CYP4F8: variants seen among roughly 807,000 people sequenced by gnomAD.
The protein encoded by CYP4F8 is cytochrome P450 4F8.
Under a neutral mutation model 55.0 loss-of-function variants are expected in CYP4F8, and 56 were observed. The observed-to-expected ratio is 1.02, with a 90% CI of 0.82 to 1.27. CYP4F8 has a LOEUF of 1.27. Ranked by LOEUF, CYP4F8 falls within the 50% of genes most tolerant of loss-of-function variation. The probability of loss-of-function intolerance (pLI) is 0.00; values close to 1 mark genes in which losing one functional copy is unlikely to be tolerated. For synonymous variants in CYP4F8, 288 were observed against 267.3 expected (o/e 1.08, Z -0.76); for missense variants, 680 against 682.4 (o/e 1.00, Z 0.04).
At chr19:15,626,731 T>G (rs1160218482) in intron 9 of CYP4F8, among the ~76,000 whole-genome samples, 1 of 152,234 alleles carries the variant, frequency 6.6e-6, no homozygotes, top group Non-Finnish European at 1.5e-5. Flanking sequence ...ATCCTTAATT[T>G]GCATGCGTAT....
chr19:15,621,167 C>T (rs776984145), intron 5 of CYP4F8, among the ~76,000 whole-genome samples: 17 of 152,132 alleles, frequency 1.1e-4, no homozygotes, highest in South Asian at 2.1e-4. Context: ...ATAAGCCTAA[C>T]GTGTGTCCCA....
intron 5 of CYP4F8, 149 bp from the exon 6 acceptor site, chr19:15,622,070 T>G: frequency 9.5e-7 from 1 of 1,052,642 alleles, no homozygotes; most frequent in East Asian, 2.8e-5. Flanking sequence ...GCTTCCACTC[T>G]CACCCAAGCG....
intron 9 of CYP4F8, among the ~76,000 whole-genome samples, chr19:15,625,808 C>T (rs941575684): frequency 1.3e-5 from 2 of 152,132 alleles, no homozygotes; most frequent in Non-Finnish European, 2.9e-5. Context: ...CTATACAATA[C>T]GTATTTCTTC....
At chr19:15,625,925 C>T (rs915708230) in intron 9 of CYP4F8, among the ~76,000 whole-genome samples, 2 of 152,030 alleles carry the variant, frequency 1.3e-5, no homozygotes, top group African/African-American at 4.8e-5. Flanking sequence ...TTTTAAAATT[C>T]TATATATGTT....
chr19:15,626,947 C>G (rs965450149), intron 9 of CYP4F8, among the ~76,000 whole-genome samples: 2 of 152,154 alleles, frequency 1.3e-5, no homozygotes, highest in African/African-American at 4.8e-5. Flanking sequence ...CAACTTCCAC[C>G]ACACTATCCA....
chr19:15,623,488 G>C, intron 7 of CYP4F8, 113 bp downstream of exon 7: 1 of 1,476,172 alleles, frequency 6.8e-7, no homozygotes, highest in African/African-American at 1.6e-5. Context: ...GAAGGTGCTC[G>C]AAGAAGGGAG....
chr19:15,617,349 C>T (rs908480690), intron 2 of CYP4F8, among the ~76,000 whole-genome samples: 2 of 152,294 alleles, frequency 1.3e-5, no homozygotes, highest in African/African-American at 4.8e-5. Context: ...CCCCTATGTG[C>T]GCAGAATCTG....
intron 1 of CYP4F8, 136 bp downstream of exon 1, chr19:15,615,416 T>C: frequency 1.8e-6 from 1 of 561,524 alleles, no homozygotes; most frequent in Non-Finnish European, 3.0e-6. Context: ...TAGATGAGGC[T>C]GTCTGGTTTC....
intron 9 of CYP4F8, among the ~76,000 whole-genome samples, chr19:15,626,321 C>A (rs1016961839): frequency 6.6e-6 from 1 of 152,184 alleles, no homozygotes; most frequent in Non-Finnish European, 1.5e-5. Context: ...TTCTGTGCAC[C>A]CCACTGTCAG....
In CYP4F8 at chr19:15,630,630, G is replaced by A. The variant is rs1972322399; in HGVS notation, c.*1272G>A. ...TGATTAGAGCTGCGATAAACATGTG[G>A]ATGCTTGTGTCTTTTTGGCAGAATG... On this transcript the variant is annotated 3_prime_UTR_variant, in exon 13 of 13. Transcript: ENST00000612078. 1 of 152,196 alleles carries A rather than the reference G, an allele frequency of 6.6e-6. No homozygotes were observed. The highest frequency in any genetic ancestry group is 1.5e-5 in the Non-Finnish European group (1 of 68,050). The allele number at this position is 152,196 out of a possible 1,614,324, so 9.4% of individuals were successfully genotyped here. A position where few individuals can be genotyped will look rare whatever the true frequency, so the allele number is the denominator to read the frequency against.
chr19:15,623,391 A>T lies in CYP4F8; in HGVS notation c.918+16A>T. On this transcript the variant is annotated intron_variant, in intron 7 of 12. Coordinates refer to ENST00000612078, the MANE Select transcript of CYP4F8 (RefSeq NM_007253.4). ...GCTGAGCGAGGTGGGCCTCTCTGGG[A>T]TCTGAATTCAAGAGGTAAAATGGAG... 6.2e-7 allele frequency: 1 copy of T among 1,611,518 alleles called. No individual in the cohort carries two copies. The highest frequency in any genetic ancestry group is 8.5e-7 in the Non-Finnish European group (1 of 1,178,000).
chr19:15,624,029 C>A lies in CYP4F8; in HGVS notation c.1050C>A (p.Tyr350Ter). Reference sequence around the variant, plus strand: ...ACAACCTCGCGAGGCACCCAGAATACCAAGAACGCTGCCGGCAGGAGGTGC... The same window carrying A: ...ACAACCTCGCGAGGCACCCAGAATAACAAGAACGCTGCCGGCAGGAGGTGC... ...VLYNLARHPE[Y>*]QERCRQEVQE... is the part of the protein sequence containing the mutation. Residue 350 changes from tyrosine (Y) to a stop codon, truncating the protein, a stop_gained, in exon 9 of 13, where the codon TAC (tyrosine) becomes TAA (stop). Transcript: ENST00000612078. LOFTEE classifies it high-confidence loss of function. 6.2e-7 allele frequency: 1 copy of A among 1,614,194 alleles called. No individual in the cohort carries two copies. Among genetic ancestry groups the A allele is most frequent in the African/African-American group, 1.3e-5 (1 of 75,042 alleles).
intron 9 of CYP4F8, among the ~76,000 whole-genome samples, chr19:15,625,332 A>G (rs202057302): frequency 0.015 from 163 of 10,962 alleles, no homozygotes; most frequent in African/African-American, 0.042. Flanking sequence ...ATGTGTGTGT[A>G]TATATATATA....
chr19:15,628,459 G>A, intron 10 of CYP4F8, 24 bp downstream of exon 10: 1 of 1,613,742 alleles, frequency 6.2e-7, no homozygotes, highest in Non-Finnish European at 8.5e-7. Flanking sequence ...CAGGGGAGGA[G>A]GGTCCTGGGC....
intron 5 of CYP4F8, 183 bp from the exon 6 acceptor site, chr19:15,622,036 G>A (rs1972200185): frequency 4.1e-6 from 3 of 732,548 alleles, no homozygotes. Context: ...CCAGCCATGG[G>A]ATCTTCATCT....
At position 15,628,529 on chromosome 19, in the gene CYP4F8, A is replaced by T; in HGVS notation, c.1250-2A>T. On this transcript the variant is annotated splice_acceptor_variant, in intron 10 of 12. Coordinates refer to ENST00000612078, the MANE Select transcript of CYP4F8 (RefSeq NM_007253.4). LOFTEE classifies it high-confidence loss of function. ...TTCTTACTGTCCTCTCCTGCACGACAGGGAATGTCTGTAACATCAACATCT... is the reference window on the plus strand; with the variant it reads ...TTCTTACTGTCCTCTCCTGCACGACTGGGAATGTCTGTAACATCAACATCT... 3 of 1,613,916 alleles carry T rather than the reference A, an allele frequency of 1.9e-6. No homozygotes were observed. The highest frequency in any genetic ancestry group is 2.5e-6 in the Non-Finnish European group (3 of 1,179,842).
At chr19:15,621,831 G>T (rs2144605776) in intron 5 of CYP4F8, 1 of 174,526 alleles carries the variant, frequency 5.7e-6, no homozygotes, top group Admixed American at 6.1e-5. Context: ...GGCCAGAGAG[G>T]TTAGAGAGAT....
intron 9 of CYP4F8, chr19:15,627,301 C>T (rs1453308057): frequency 6.6e-6 from 1 of 151,720 alleles, no homozygotes; most frequent in Non-Finnish European, 1.5e-5. Context: ...TGGTGAAACC[C>T]CATCTATACT....
intron 9 of CYP4F8, among the ~76,000 whole-genome samples, chr19:15,625,044 CT>C (rs1205272474): frequency 2.0e-5 from 3 of 150,580 alleles, no homozygotes; most frequent in Admixed American, 6.6e-5. Context: ...TTAATTTTTT[CT>C]TTTATAATTC....
Sources: gnomAD v4.1 joint callset for allele counts (sites outside exome capture counted in the v4.1 genomes callset) on GRCh38, gnomAD v4.1.1 for gene constraint, MANE v1.5 for transcripts, NCBI Gene and HGNC (gene_info 2026-07-23, HGNC 2026-07-21) for gene names.